COL4A5: variants seen among roughly 807,000 people sequenced by gnomAD.
The protein encoded by COL4A5 is collagen type IV alpha 5 chain.
In COL4A5, 26 loss-of-function variants were observed where a neutral mutation model predicts 130.2. The ratio of observed to expected loss-of-function variants is 0.20; its 90% CI spans 0.15 to 0.28. COL4A5 has a LOEUF of 0.28. Ranked by LOEUF, COL4A5 falls within the 10% of genes least tolerant of loss-of-function variation. COL4A5 has a pLI of 1.00. For missense variants in COL4A5, 1,131 were observed against 1,344.3 expected, an observed-to-expected ratio of 0.84 and a Z score of 2.48; for synonymous variants, 496 against 439.6, an observed-to-expected ratio of 1.13 and a Z score of -1.60.
At position 108,677,621 on chromosome X, in the gene COL4A5, A is replaced by G; in HGVS notation, c.3930A>G (p.Pro1310=). 1 of 1,210,856 alleles carries G rather than the reference A, an allele frequency of 8.3e-7. No individual in the cohort carries two copies. Among genetic ancestry groups the G allele is most frequent in the Non-Finnish European group, 1.1e-6 (1 of 894,830 alleles). ...GLPGLKGDQG[P]PGLQGNPGRP... is the part of the protein sequence containing the mutation. ...CTGGTTTGAAAGGAGATCAAGGACC[A>G]CCAGGACTCCAGGTAGGAAATGGAA... Residue 1310 remains proline (P), a synonymous_variant, in exon 44 of 53, where the codon CCA becomes CCG. Transcript: ENST00000328300.
At chrX:108,596,075 C>T (rs1203529608) in intron 22 of COL4A5, among the ~76,000 whole-genome samples, 2 of 111,601 alleles carry the variant, frequency 1.8e-5, no homozygotes, top group African/African-American at 6.5e-5. Context: ...TCCCCCTTTC[C>T]AGTCAAAACT....
At chrX:108,687,884 TA>T (rs2068579264) in intron 49 of COL4A5, among the ~76,000 whole-genome samples, 190 bp downstream of exon 49, 2 of 112,191 alleles carry the variant, frequency 1.8e-5, no homozygotes, top group African/African-American at 6.5e-5. Flanking sequence ...AACCTTAAAC[TA>T]AAAGCATTAA....
At chrX:108,692,680 T>C (rs2068654883) in intron 49 of COL4A5, 68 bp from the exon 50 acceptor site, 3 of 1,054,618 alleles carry the variant, frequency 2.8e-6, no homozygotes, top group Non-Finnish European at 2.6e-6. Flanking sequence ...TGTTTGCTAT[T>C]GTTTTAGAAG....
chrX:108,448,721 C>T (rs993720064), intron 1 of COL4A5, among the ~76,000 whole-genome samples: 3 of 112,077 alleles, frequency 2.7e-5, no homozygotes, highest in African/African-American at 9.7e-5. Context: ...CTAAAAAACA[C>T]TATCTGTCTT....
chrX:108,545,711 T>C (rs2065636551), intron 2 of COL4A5, among the ~76,000 whole-genome samples: 1 of 111,272 alleles, frequency 9.0e-6, no homozygotes, highest in African/African-American at 3.3e-5. Flanking sequence ...AGTGGGGTGT[T>C]AAAGTCTCCC....
Position 108,544,422 on chromosome X carries a change from C to T in COL4A5, c.141+4617C>T, listed in dbSNP as rs182040488. On this transcript the variant is annotated intron_variant, in intron 2 of 52. Coordinates refer to ENST00000328300, the MANE Select transcript of COL4A5 (RefSeq NM_033380.3). ...ATGCTGGATTACATTTATTGATTGG[C>T]GTATGTTGAACCAGCCTTGCATCCC... 6.8e-3 allele frequency among the ~76,000 whole-genome samples: 763 copies of T among 111,971 alleles called. 5 individuals carry two copies. Among genetic ancestry groups the T allele is most frequent in the Non-Finnish European group, 0.011 (575 of 53,186 alleles).
In COL4A5 at chrX:108,559,814, A is replaced by G. The variant is rs1049528747; in HGVS notation, c.231+661A>G. Among the ~76,000 whole-genome samples the G allele has an allele frequency of 2.7e-5, 3 of 112,203 alleles. No individual in the cohort carries two copies. The Admixed American group carries it at 2.8e-4, about 11-fold the overall frequency. On this transcript the variant is annotated intron_variant, in intron 3 of 52. Transcript: ENST00000328300. The stretch of plus-strand genomic sequence containing the variant: ...TCCACCAAAAGAGGCCTTTAAATGC[A>G]GAAATGCAGTTGAGCACAGCCAGCC...
chrX:108,587,992 C>G (rs970544952), intron 19 of COL4A5, among the ~76,000 whole-genome samples: 2 of 111,069 alleles, frequency 1.8e-5, no homozygotes. Flanking sequence ...TCAGAAATAC[C>G]TAACTAGAAA....
At chrX:108,583,589 G>A (rs1002479288) in intron 17 of COL4A5, among the ~76,000 whole-genome samples, 4 of 111,423 alleles carry the variant, frequency 3.6e-5, no homozygotes, top group Non-Finnish European at 5.7e-5. Flanking sequence ...AAGGAAAGGC[G>A]TTACAAACTT....
Position 108,681,906 on chromosome X carries a change from C to T in COL4A5, c.4216+18C>T. ...CTTACCAGGTACCAATGCAGATCAT[C>T]TTTATTATCATTATTATACTTTTAA... On this transcript the variant is annotated intron_variant, in intron 47 of 52. Transcript: ENST00000328300. 8.4e-7 allele frequency: 1 copy of T among 1,190,955 alleles called. No homozygotes were observed. Among genetic ancestry groups the T allele is most frequent in the Non-Finnish European group, 1.1e-6 (1 of 878,770 alleles).
At chrX:108,641,358 G>A (rs753626925) in intron 36 of COL4A5, among the ~76,000 whole-genome samples, 11 of 111,675 alleles carry the variant, frequency 9.9e-5, no homozygotes, top group African/African-American at 3.6e-4. Context: ...GAAAATTGAG[G>A]AGAGTGAGGA....
Position 108,495,391 on chromosome X carries a change from G to A in COL4A5, c.82-44355G>A, listed in dbSNP as rs369770152. On this transcript the variant is annotated intron_variant, in intron 1 of 52. Transcript: ENST00000328300. ...TCTGTGAAAGTCCTTGTTAAACAGA[G>A]AATGAAAACACTAGCTATAAACGGA... Among the ~76,000 whole-genome samples, 69 of 111,710 alleles carry A rather than the reference G, an allele frequency of 6.2e-4. 1 individual carries two copies. The highest frequency in any genetic ancestry group is 2.1e-3 in the African/African-American group (66 of 30,787).
rs193151926 is a variant in COL4A5 at position 108,594,264 on chromosome X, G to A, written c.1424-1245G>A. ...TATGATCCATGAGAACATCTCATTG[G>A]CTCTACTTTCAGATATGTCTATAAT... On this transcript the variant is annotated intron_variant, in intron 21 of 52. Coordinates refer to ENST00000328300, the MANE Select transcript of COL4A5 (RefSeq NM_033380.3). Among the ~76,000 whole-genome samples the A allele has an allele frequency of 4.5e-5, 5 of 110,707 alleles. No individual in the cohort carries two copies. In the East Asian group the frequency reaches 1.4e-3, roughly 32 times the overall value.
At chrX:108,449,261 A>G (rs1280082529) in intron 1 of COL4A5, among the ~76,000 whole-genome samples, 1 of 112,103 alleles carries the variant, frequency 8.9e-6, no homozygotes, top group Non-Finnish European at 1.9e-5. Context: ...GGGGGAAGGA[A>G]GAAACAGTTT....
intron 47 of COL4A5, among the ~76,000 whole-genome samples, chrX:108,684,505 G>A (rs1227497387): frequency 8.9e-6 from 1 of 112,274 alleles, no homozygotes; most frequent in African/African-American, 3.2e-5. Flanking sequence ...AAATCTAGAA[G>A]AAATGGATAA....
intron 1 of COL4A5, among the ~76,000 whole-genome samples, chrX:108,451,335 T>C (rs1416576324): frequency 4.5e-5 from 5 of 110,648 alleles, no homozygotes; most frequent in Non-Finnish European, 9.4e-5. Context: ...AGCAGCATGA[T>C]TTATAGTCCT....
rs1295154331 is a variant in COL4A5, at chrX:108,606,964, T to C, written c.2395+72T>C. On this transcript the variant is annotated intron_variant, in intron 29 of 52. Transcript: ENST00000328300. Reference sequence around the variant, plus strand: ...AAATTGACACCTTTGGGAAAGTTTATGGGTGATAAGCCCAATTAACTGGAA... The same window carrying C: ...AAATTGACACCTTTGGGAAAGTTTACGGGTGATAAGCCCAATTAACTGGAA... The C allele has an allele frequency of 7.4e-6, 8 of 1,086,838 alleles. No individual in the cohort carries two copies. The African/African-American group carries it at 1.4e-4, about 20-fold the overall frequency. 89.6% of individuals were successfully genotyped at this position (1,086,838 alleles called of 1,213,427 possible).
At chrX:108,694,085 C>T in intron 50 of COL4A5, 1 of 111,073 alleles carries the variant, frequency 9.0e-6, no homozygotes, top group Non-Finnish European at 1.9e-5. Flanking sequence ...ACAATTTTGT[C>T]AGTCCCAACT....
intron 1 of COL4A5, among the ~76,000 whole-genome samples, chrX:108,526,497 TTCTC>T (rs2065312628): frequency 9.2e-6 from 1 of 108,777 alleles, no homozygotes; most frequent in East Asian, 2.9e-4. Flanking sequence ...CTTTCTTTCT[TTCTC>T]TTTCTTTCTT....
Sources: allele counts gnomAD v4.1 joint callset (sites outside exome capture counted in the v4.1 genomes callset), GRCh38; gene constraint gnomAD v4.1.1; transcripts MANE v1.5; gene names NCBI Gene and HGNC (gene_info 2026-07-23, HGNC 2026-07-21).